PSMD13: variants seen among roughly 807,000 people sequenced by gnomAD.
PSMD13 encodes the protein proteasome 26S subunit, non-ATPase 13.
Under a neutral mutation model 57.4 loss-of-function variants are expected in PSMD13, and 8 were observed. The observed-to-expected ratio is 0.14, with a 90% CI of 0.08 to 0.25. PSMD13 has a LOEUF of 0.25. PSMD13 is among the 10% of genes least tolerant of loss of function. The pLI, the probability that PSMD13 is intolerant of heterozygous loss-of-function variation, is 1.00. For synonymous variants in PSMD13, 193 were observed against 168.2 expected (o/e 1.15, Z -1.14); for missense variants, 400 against 461.5 (o/e 0.87, Z 1.22).
At chr11:237,174 C>T (rs762345642) in intron 1 of PSMD13, 30 bp downstream of exon 1, 5 of 1,588,802 alleles carry the variant, frequency 3.1e-6, no homozygotes, top group Non-Finnish European at 4.3e-6. Context: ...GCCCTGGGCC[C>T]CGGCGATAGA....
rs1421759045 is a variant in PSMD13 at position 251,546 on chromosome 11, A to G, written c.838A>G (p.Met280Val). The change falls in exon 11 of 13, where the codon ATG becomes GTG. Residue 280 changes from methionine (M) to valine (V), a missense_variant and splice_region_variant. By Grantham distance (21) the Met-to-Val change is conservative. Transcript: ENST00000532097. This position sits in a 1 kb window ranked among gnomAD's most constrained non-coding sequence, Gnocchi z 4.6. The part of the protein sequence containing the change: ...RKIQLLCLME[M>V]TFTRPANHRQ... ...AAATAGTTAATAAAATTTTTTCCAG[A>G]TGACTTTCACACGACCTGCCAATCA... 1 of 1,610,684 alleles carries G rather than the reference A, an allele frequency of 6.2e-7. No homozygotes were observed. The highest frequency in any genetic ancestry group is 2.2e-5 in the East Asian group (1 of 44,876).
At chr11:244,324 T>C in intron 4 of PSMD13, 102 bp from the exon 5 acceptor site, 1 of 1,577,836 alleles carries the variant, frequency 6.3e-7, no homozygotes, top group Non-Finnish European at 8.6e-7. Flanking sequence ...ATGTTTTTAT[T>C]ATACTTTATG....
At chr11:248,877 C>G in intron 8 of PSMD13, 22 bp downstream of exon 8, 1 of 1,614,144 alleles carries the variant, frequency 6.2e-7, no homozygotes, top group Non-Finnish European at 8.5e-7. Context: ...CTGAGCTCAG[C>G]TTCCTTAACG....
In PSMD13 at chr11:244,231, G is replaced by A. The variant is rs912554638; in HGVS notation, c.265+15G>A. 6.2e-7 allele frequency: 1 copy of A among 1,608,018 alleles called. No homozygotes were observed. Among genetic ancestry groups the A allele is most frequent in the Admixed American group, 1.7e-5 (1 of 58,702 alleles). On this transcript the variant is annotated intron_variant, in intron 4 of 12. Transcript: ENST00000532097. ...ACAGATGACTGGTAAGTCTCACTTTGTTTTATAAAGGAGCAGATCCAAATG... is the reference window on the plus strand; with the variant it reads ...ACAGATGACTGGTAAGTCTCACTTTATTTTATAAAGGAGCAGATCCAAATG...
intron 2 of PSMD13, among the ~76,000 whole-genome samples, chr11:242,752 T>C (rs1859543174): frequency 6.6e-6 from 1 of 152,146 alleles, no homozygotes; most frequent in Admixed American, 6.5e-5. Context: ...TCTCTTACAG[T>C]AGTACCGCAT....
rs761071639 is a variant in PSMD13, at chr11:251,825, G to A, written c.924G>A (p.Glu308=). 4 of 1,614,062 alleles carry A rather than the reference G, an allele frequency of 2.5e-6. No individual in the cohort carries two copies. The South Asian group carries it at 3.3e-5, about 13-fold the overall frequency. Residue 308 remains glutamate (E), a synonymous_variant, in exon 12 of 13, where the codon GAG becomes GAA. Transcript: ENST00000532097. This position sits in a 1 kb window ranked among gnomAD's most constrained non-coding sequence, Gnocchi z 4.6. ...ACGCCTCCCTCTCTGCACAGGTGGA[G>A]CTTCTGGTGATGAAGGCCCTTTCGG... ...KSAKITVNEV[E]LLVMKALSVG...
rs1337408391 is a variant in PSMD13, at chr11:251,691, G to A, written c.918+65G>A. 9.0e-6 allele frequency: 14 copies of A among 1,555,720 alleles called. No homozygotes were observed. In the Admixed American group the frequency reaches 2.4e-4, roughly 27 times the overall value. On this transcript the variant is annotated intron_variant, in intron 11 of 12. Coordinates refer to ENST00000532097, the MANE Select transcript of PSMD13 (RefSeq NM_002817.4). The surrounding 1 kb of genome is among the most constrained non-coding windows in gnomAD (Gnocchi z 4.6). ...GCCACATGGAGGAGTCAAGGCTCTT[G>A]TGTGAGCGCTGTGCTCCCTAGACAG...
Position 249,008 on chromosome 11 carries a change from G to A in PSMD13, c.725G>A (p.Ser242Asn), listed in dbSNP as rs754073013. The A allele has an allele frequency of 6.2e-7, 1 of 1,614,040 alleles. No homozygotes were observed. The highest frequency in any genetic ancestry group is 1.1e-5 in the South Asian group (1 of 91,076). ...WLIDTLYAFN[S>N]GNVERFQTLK... ...ATTGACACCCTCTATGCCTTCAACA[G>A]TGGCAACGTAGAGCGGTTCCAGACT... Residue 242 changes from serine to asparagine, a missense_variant, in exon 9 of 13, where the codon AGT (serine) becomes AAT (asparagine). Ser to Asn is a conservative substitution (Grantham distance 46). Coordinates refer to ENST00000532097, the MANE Select transcript of PSMD13 (RefSeq NM_002817.4).
chr11:249,110 TA>T, intron 9 of PSMD13, 53 bp downstream of exon 9: 1 of 1,599,104 alleles, frequency 6.3e-7, no homozygotes, highest in Admixed American at 1.7e-5. Flanking sequence ...TACTCGCTCA[TA>T]CAACAGATGT....
intron 5 of PSMD13, 73 bp from the exon 6 acceptor site, chr11:244,602 C>G: frequency 6.6e-7 from 1 of 1,524,172 alleles, no homozygotes; most frequent in Admixed American, 1.7e-5. Flanking sequence ...AGTTAATGTA[C>G]AAGTAGCTAG....
At chr11:238,470 C>G (rs1419454386) in intron 1 of PSMD13, among the ~76,000 whole-genome samples, 3 of 152,186 alleles carry the variant, frequency 2.0e-5, no homozygotes, top group Admixed American at 2.0e-4. Context: ...TCTGCTACAC[C>G]GTAGAGACTG....
rs1564824314 is a variant in PSMD13 at position 251,704 on chromosome 11, G to A, written c.918+78G>A. 4 of 1,543,984 alleles carry A rather than the reference G, an allele frequency of 2.6e-6. No homozygotes were observed. Among genetic ancestry groups the A allele is most frequent in the Non-Finnish European group, 3.6e-6 (4 of 1,119,682 alleles). ...GTCAAGGCTCTTGTGTGAGCGCTGT[G>A]CTCCCTAGACAGTAAAAAATGACGG... On this transcript the variant is annotated intron_variant, in intron 11 of 12. Coordinates refer to ENST00000532097, the MANE Select transcript of PSMD13 (RefSeq NM_002817.4). The surrounding 1 kb of genome is among the most constrained non-coding windows in gnomAD (Gnocchi z 4.6).
Position 247,371 on chromosome 11 carries a change from A to G in PSMD13, c.491A>G (p.Gln164Arg), listed in dbSNP as rs1223162791. The change falls in exon 7 of 13, where the codon CAA becomes CGA. Residue 164 changes from glutamine (Q) to arginine (R), a missense_variant. Gln to Arg is a conservative substitution (Grantham distance 43, BLOSUM62 1). Transcript: ENST00000532097. ...TATGATCTCTCCAGTAAATACTATC[A>G]AACAATCGGAAACCACGCGTCCTAC... ...RFYDLSSKYY[Q>R]TIGNHASYYK... 6.2e-7 allele frequency: 1 copy of G among 1,614,208 alleles called. No homozygotes were observed. The highest frequency in any genetic ancestry group is 8.5e-7 in the Non-Finnish European group (1 of 1,180,022).
At chr11:247,530 C>T in intron 7 of PSMD13, 82 bp downstream of exon 7, 2 of 1,485,792 alleles carry the variant, frequency 1.3e-6, no homozygotes, top group Non-Finnish European at 1.8e-6. Flanking sequence ...GGTGACAGTT[C>T]TCAGAAATTA....
rs897159137 is a variant in PSMD13 at position 251,715 on chromosome 11, A to G, written c.918+89A>G. 2 of 1,534,468 alleles carry G rather than the reference A, an allele frequency of 1.3e-6. No homozygotes were observed. Among genetic ancestry groups the G allele is most frequent in the Non-Finnish European group, 1.8e-6 (2 of 1,112,568 alleles). The stretch of plus-strand genomic sequence containing the variant: ...TGTGTGAGCGCTGTGCTCCCTAGAC[A>G]GTAAAAAATGACGGGAGGAGCGGCA... On this transcript the variant is annotated intron_variant, in intron 11 of 12. Coordinates refer to ENST00000532097, the MANE Select transcript of PSMD13 (RefSeq NM_002817.4). This position sits in a 1 kb window ranked among gnomAD's most constrained non-coding sequence, Gnocchi z 4.6.
chr11:247,135 C>T (rs776013480), intron 6 of PSMD13, 142 bp from the exon 7 acceptor site: 2 of 723,146 alleles, frequency 2.8e-6, no homozygotes, highest in Non-Finnish European at 4.3e-6. Flanking sequence ...GTAATCCCAG[C>T]TACTACAGAG....
At chr11:249,278 CAG>C (rs1295303676) in intron 9 of PSMD13, among the ~76,000 whole-genome samples, 1 of 152,088 alleles carries the variant, frequency 6.6e-6, no homozygotes, top group Non-Finnish European at 1.5e-5. Context: ...TCTGAGAAAA[CAG>C]AATCGAATGT....
intron 2 of PSMD13, among the ~76,000 whole-genome samples, chr11:240,955 C>G (rs1393067754): frequency 6.6e-6 from 1 of 152,022 alleles, no homozygotes; most frequent in Non-Finnish European, 1.5e-5. Context: ...CCACAGCCTC[C>G]AGAGTAGCTG....
chr11:240,894 C>T (rs1245292042), intron 2 of PSMD13, among the ~76,000 whole-genome samples: 1 of 147,590 alleles, frequency 6.8e-6, no homozygotes, highest in Non-Finnish European at 1.5e-5. Context: ...TGCAATGGCA[C>T]AGTCTCAGCT....
Sources: allele counts gnomAD v4.1 joint callset (sites outside exome capture counted in the v4.1 genomes callset), GRCh38; gene constraint gnomAD v4.1.1; non-coding constraint Gnocchi (gnomAD v3.1); transcripts MANE v1.5; gene names NCBI Gene and HGNC (gene_info 2026-07-23, HGNC 2026-07-21).